The following CACNA2D3 variants were observed in gnomAD, a reference collection of about 807,000 sequenced individuals.
CACNA2D3 encodes the protein voltage-dependent calcium channel subunit alpha-2/delta-3.
Under a neutral mutation model 160.6 loss-of-function variants are expected in CACNA2D3, and 60 were observed. The observed-to-expected ratio is 0.37, with a 90% CI of 0.30 to 0.46. CACNA2D3 has a LOEUF of 0.46. Among genes scored for constraint, CACNA2D3 ranks in the 20% least tolerant of loss-of-function variants. CACNA2D3 has a pLI of 1.00. For missense variants in CACNA2D3, 1,205 were observed against 1,365.0 expected, an observed-to-expected ratio of 0.88 and a Z score of 1.85; for synonymous variants, 558 against 492.9, an observed-to-expected ratio of 1.13 and a Z score of -1.75.
At chr3:54,715,250 A>G (rs1701031718) in intron 11 of CACNA2D3, among the ~76,000 whole-genome samples, 1 of 152,140 alleles carries the variant, frequency 6.6e-6, no homozygotes, top group Admixed American at 6.5e-5. Flanking sequence ...ATAAATGTAC[A>G]CGTTTATTAT....
At chr3:54,511,559 A>G (rs1359401659) in intron 5 of CACNA2D3, among the ~76,000 whole-genome samples, 2 of 152,184 alleles carry the variant, frequency 1.3e-5, no homozygotes, top group African/African-American at 4.8e-5. Context: ...TGTATACCTA[A>G]TGAAGTAATT....
chr3:54,182,150 T>A (rs983742676), intron 2 of CACNA2D3, among the ~76,000 whole-genome samples: 1 of 152,230 alleles, frequency 6.6e-6, no homozygotes, highest in Non-Finnish European at 1.5e-5. Flanking sequence ...CTAGGACTTA[T>A]GAAAAATGAC....
intron 5 of CACNA2D3, among the ~76,000 whole-genome samples, chr3:54,558,642 T>C (rs1270364110): frequency 1.3e-5 from 2 of 152,128 alleles, no homozygotes; most frequent in African/African-American, 4.8e-5. Context: ...AGTGTTTAGC[T>C]CCCACTTATA....
intron 13 of CACNA2D3, among the ~76,000 whole-genome samples, chr3:54,803,255 C>A (rs1198621389): frequency 2.0e-5 from 3 of 152,136 alleles, no homozygotes; most frequent in African/African-American, 4.8e-5. Flanking sequence ...GACGATCAAA[C>A]TACTCCGAGC....
intron 31 of CACNA2D3, among the ~76,000 whole-genome samples, chr3:54,998,359 C>G (rs1349259946): frequency 6.6e-6 from 1 of 152,116 alleles, no homozygotes; most frequent in Non-Finnish European, 1.5e-5. Flanking sequence ...GTCTTGAACT[C>G]CTGACCTCAA....
chr3:54,365,767 G>A (rs1391957382), intron 3 of CACNA2D3, among the ~76,000 whole-genome samples: 2 of 152,214 alleles, frequency 1.3e-5, no homozygotes, highest in African/African-American at 4.8e-5. Flanking sequence ...GGAGGCTGAG[G>A]CAGGAGAATC....
intron 13 of CACNA2D3, among the ~76,000 whole-genome samples, chr3:54,807,293 G>C (rs1040878905): frequency 6.6e-6 from 1 of 152,058 alleles, no homozygotes; most frequent in African/African-American, 2.4e-5. Flanking sequence ...GAAAATTTTC[G>C]CAACCTTCTC....
At chr3:54,810,867 C>G (rs565592653) in intron 13 of CACNA2D3, among the ~76,000 whole-genome samples, 2 of 152,300 alleles carry the variant, frequency 1.3e-5, no homozygotes, top group Admixed American at 1.3e-4. Context: ...AAAACAAAAA[C>G]ATGTCCCTCT....
At chr3:54,886,751 A>G in intron 23 of CACNA2D3, among the ~76,000 whole-genome samples, 1 of 151,972 alleles carries the variant, frequency 6.6e-6, no homozygotes. Context: ...AATACATACA[A>G]TATGTGTATA....
intron 2 of CACNA2D3, among the ~76,000 whole-genome samples, chr3:54,132,346 T>A (rs891686537): frequency 6.6e-6 from 1 of 152,038 alleles, no homozygotes; most frequent in Non-Finnish European, 1.5e-5. Flanking sequence ...CAATAAAGGG[T>A]GTTTGTGTGC....
At chr3:54,294,122 A>C (rs538991846) in intron 2 of CACNA2D3, among the ~76,000 whole-genome samples, 8 of 152,214 alleles carry the variant, frequency 5.3e-5, no homozygotes, top group Non-Finnish European at 1.0e-4. Flanking sequence ...ACTTTCTAGC[A>C]AGGGAAACCC....
chr3:54,363,189 A>G (rs537252539), intron 3 of CACNA2D3, among the ~76,000 whole-genome samples: 1 of 151,306 alleles, frequency 6.6e-6, no homozygotes, highest in Admixed American at 6.5e-5. Context: ...GCGAGACTCC[A>G]TCTCCAAATA....
intron 9 of CACNA2D3, among the ~76,000 whole-genome samples, chr3:54,592,871 G>C (rs1702887567): frequency 6.6e-6 from 1 of 152,122 alleles, no homozygotes; most frequent in East Asian, 1.9e-4. Flanking sequence ...ATTTTCCCCA[G>C]TACTTTTCTT....
chr3:54,752,775 G>A, intron 12 of CACNA2D3, 98 bp downstream of exon 12: 1 of 839,532 alleles, frequency 1.2e-6, no homozygotes. Flanking sequence ...ATAATTCTAA[G>A]ATAAAGTCTG....
rs776942792 is a variant in CACNA2D3, at chr3:55,009,378, A to G, written c.2820-10A>G. Reference sequence around the variant, plus strand: ...CGAAGTAACATTGGGCTTTTCCACGATCTGTTTAGGTTCCTGGTGGAATTT... The same window carrying G: ...CGAAGTAACATTGGGCTTTTCCACGGTCTGTTTAGGTTCCTGGTGGAATTT... On this transcript the variant is annotated splice_polypyrimidine_tract_variant and intron_variant, in intron 33 of 37. Transcript: ENST00000474759. The G allele has an allele frequency of 6.2e-7, 1 of 1,613,486 alleles. No individual in the cohort carries two copies.
At chr3:54,725,008 A>ATC (rs1701249849) in intron 11 of CACNA2D3, among the ~76,000 whole-genome samples, 1 of 152,102 alleles carries the variant, frequency 6.6e-6, no homozygotes, top group Admixed American at 6.5e-5. Context: ...AAGAAAATAG[A>ATC]TAGACTCCTA....
At chr3:54,755,695 G>T (rs1006187841) in intron 12 of CACNA2D3, among the ~76,000 whole-genome samples, 1 of 152,058 alleles carries the variant, frequency 6.6e-6, no homozygotes, top group African/African-American at 2.4e-5. Context: ...GAGTGAAGAG[G>T]CCTTTCTTGA....
chr3:54,899,232 A>G (rs997594423), intron 26 of CACNA2D3, among the ~76,000 whole-genome samples: 1 of 152,228 alleles, frequency 6.6e-6, no homozygotes, highest in African/African-American at 2.4e-5. Context: ...CCATATTGTT[A>G]CCAGAATAAT....
chr3:54,890,928 A>G (rs1409903984), intron 24 of CACNA2D3, among the ~76,000 whole-genome samples: 1 of 152,208 alleles, frequency 6.6e-6, no homozygotes, highest in African/African-American at 2.4e-5. Context: ...GATTCCACAA[A>G]TGATCTCAAG....
Sources: gnomAD v4.1 joint callset for allele counts (sites outside exome capture counted in the v4.1 genomes callset) on GRCh38, gnomAD v4.1.1 for gene constraint, MANE v1.5 for transcripts, NCBI Gene and HGNC (gene_info 2026-07-23, HGNC 2026-07-21) for gene names.